Variants in RPS6KA2 observed in about 807,000 individuals in gnomAD.
The protein encoded by RPS6KA2 is ribosomal protein S6 kinase A2, also known as ribosomal protein S6 kinase alpha-2.
Under a neutral mutation model 91.8 loss-of-function variants are expected in RPS6KA2, and 42 were observed. The ratio of observed to expected loss-of-function variants is 0.46; its 90% CI spans 0.36 to 0.59. RPS6KA2 has a LOEUF of 0.59. RPS6KA2 is among the 20% of genes least tolerant of loss of function. The probability of loss-of-function intolerance (pLI) is 0.00; values close to 1 mark genes in which losing one functional copy is unlikely to be tolerated. For synonymous variants in RPS6KA2, 414 were observed against 393.6 expected (o/e 1.05, Z -0.61); for missense variants, 798 against 978.5 (o/e 0.82, Z 2.46).
rs1053618806 is a variant in RPS6KA2 at position 166,437,942 on chromosome 6, C to A, written c.1333-5452G>T. Among the ~76,000 whole-genome samples the A allele has an allele frequency of 1.3e-5, 2 of 152,166 alleles. No homozygotes were observed. Among genetic ancestry groups the A allele is most frequent in the African/African-American group, 2.4e-5 (1 of 41,440 alleles). ...CTCCATCAGTGGAGACACCGTCTCC[C>A]GGGACACTCAGCAACCTGAGCAGAT... On this transcript the variant is annotated intron_variant, in intron 14 of 20. Coordinates refer to ENST00000265678, the MANE Select transcript of RPS6KA2 (RefSeq NM_021135.6). The surrounding 1 kb of genome is among the most constrained non-coding windows in gnomAD (Gnocchi z 4.3).
Position 166,822,197 on chromosome 6 carries a change from C to A in RPS6KA2, c.123+36003G>T, listed in dbSNP as rs60845961. 1.6e-3 allele frequency among the ~76,000 whole-genome samples: 245 copies of A among 152,312 alleles called. 1 individual carries two copies. In the East Asian group the frequency reaches 0.024, roughly 15 times the overall value. On this transcript the variant is annotated intron_variant, in intron 2 of 21. Transcript: ENST00000503859. ...TTGACATTGGTAAGGGCTTTACGGG[C>A]TGGATATGTCCCTGCAAACTTCCTG...
At position 166,577,476 on chromosome 6, in the gene RPS6KA2, T is replaced by G. The variant is rs182907944; in HGVS notation, c.100-38692A>C. Among the ~76,000 whole-genome samples the G allele has an allele frequency of 3.3e-5, 5 of 152,352 alleles. No individual in the cohort carries two copies. In the East Asian group the frequency reaches 9.6e-4, roughly 29 times the overall value. The stretch of plus-strand genomic sequence containing the variant: ...TGGGAACCCACCTCTTGCATCAGCA[T>G]GACCCGGAAGTGAGATGTGGAGTCA... On this transcript the variant is annotated intron_variant, in intron 1 of 20. Transcript: ENST00000265678.
intron 2 of RPS6KA2, among the ~76,000 whole-genome samples, chr6:166,853,752 C>T (rs893215353): frequency 2.0e-5 from 3 of 152,384 alleles, no homozygotes; most frequent in Admixed American, 6.5e-5. Flanking sequence ...TCAACAAGTC[C>T]GCCCAGTTAG....
intron 2 of RPS6KA2, among the ~76,000 whole-genome samples, chr6:166,800,492 G>A (rs1048514061): frequency 6.6e-6 from 1 of 152,222 alleles, no homozygotes; most frequent in African/African-American, 2.4e-5. Flanking sequence ...CCATCCTTAT[G>A]AATGGGACTA....
In RPS6KA2 at chr6:166,412,724, G is replaced by C. The variant is rs749582244; in HGVS notation, c.*38C>G. ...AGGCCGGGGTCTGTGAGCCCACGAGGATGCTGGCAGGGGACGCTGGGGCCA... is the reference window on the plus strand; with the variant it reads ...AGGCCGGGGTCTGTGAGCCCACGAGCATGCTGGCAGGGGACGCTGGGGCCA... On this transcript the variant is annotated 3_prime_UTR_variant, in exon 21 of 21. Transcript: ENST00000265678. The surrounding 1 kb of genome is among the most constrained non-coding windows in gnomAD (Gnocchi z 4.3). 4.5e-6 allele frequency: 7 copies of C among 1,557,670 alleles called. No homozygotes were observed. Among genetic ancestry groups the C allele is most frequent in the Non-Finnish European group, 6.1e-6 (7 of 1,151,972 alleles).
At chr6:166,438,375 A>G (rs986201320) in intron 14 of RPS6KA2, among the ~76,000 whole-genome samples, 6 of 152,256 alleles carry the variant, frequency 3.9e-5, no homozygotes, top group Non-Finnish European at 7.3e-5. Flanking sequence ...GAGCCTCCTC[A>G]GGAAGGCTGG....
rs896526571 is a variant in RPS6KA2, at chr6:166,493,747, C to T, written c.748-3006G>A. Among the ~76,000 whole-genome samples the T allele has an allele frequency of 3.9e-5, 6 of 152,320 alleles. No individual in the cohort carries two copies. Among genetic ancestry groups the T allele is most frequent in the African/African-American group, 1.2e-4 (5 of 41,566 alleles). ...ACCGTTGCCTGCCAGGGGACATTTC[C>T]GGCTGTCATGCCCGGGAGCCCTGGT... On this transcript the variant is annotated intron_variant, in intron 8 of 20. Coordinates refer to ENST00000265678, the MANE Select transcript of RPS6KA2 (RefSeq NM_021135.6). This position sits in a 1 kb window ranked among gnomAD's most constrained non-coding sequence, Gnocchi z 4.7.
chr6:166,501,744 T>G (rs1252669802), intron 6 of RPS6KA2, among the ~76,000 whole-genome samples: 1 of 152,156 alleles, frequency 6.6e-6, no homozygotes, highest in African/African-American at 2.4e-5. Context: ...CTTTCCCCAT[T>G]TATTTATTTG....
rs192196261 is a variant in RPS6KA2, at chr6:166,595,486, G to A, written c.99+31435C>T. Among the ~76,000 whole-genome samples, 246 of 152,340 alleles carry A rather than the reference G, an allele frequency of 1.6e-3. 2 individuals carry two copies. Among genetic ancestry groups the A allele is most frequent in the African/African-American group, 5.6e-3 (233 of 41,570 alleles). On this transcript the variant is annotated intron_variant, in intron 1 of 20. Coordinates refer to ENST00000265678, the MANE Select transcript of RPS6KA2 (RefSeq NM_021135.6). ...TGTATCCTCCACCCGCACAGACTGC[G>A]GCTGTCCACTGGGACTTCAATCCCC...
At chr6:166,772,261 C>T (rs1778495300) in intron 2 of RPS6KA2, among the ~76,000 whole-genome samples, 1 of 151,930 alleles carries the variant, frequency 6.6e-6, no homozygotes, top group African/African-American at 2.4e-5. Flanking sequence ...CCAGCCCCCC[C>T]ACCACTGGGA....
chr6:166,634,844 C>T (rs1442332933), intron 2 of RPS6KA2, among the ~76,000 whole-genome samples: 2 of 152,080 alleles, frequency 1.3e-5, no homozygotes, highest in Admixed American at 6.5e-5. Context: ...TCAAGTGGTC[C>T]GCCCACCTCA....
At chr6:166,810,163 C>T (rs537500160) in intron 2 of RPS6KA2, among the ~76,000 whole-genome samples, 7 of 152,292 alleles carry the variant, frequency 4.6e-5, no homozygotes, top group African/African-American at 1.7e-4. Context: ...AACTCACTCA[C>T]TGTCACAGCA....
intron 2 of RPS6KA2, among the ~76,000 whole-genome samples, chr6:166,797,934 G>A (rs375685512): frequency 6.6e-6 from 1 of 152,268 alleles, no homozygotes; most frequent in African/African-American, 2.4e-5. Context: ...TTGATGACCA[G>A]AAGACACTGG....
At chr6:166,507,060 G>A (rs79101780) in intron 5 of RPS6KA2, among the ~76,000 whole-genome samples, 6,357 of 152,044 alleles carry the variant, frequency 0.042, 236 homozygotes, top group Admixed American at 0.1. Flanking sequence ...GTGCAGTAGC[G>A]GCTGTGAGAC....
chr6:166,616,608 G>A (rs149859791), intron 1 of RPS6KA2, among the ~76,000 whole-genome samples: 273 of 152,352 alleles, frequency 1.8e-3, no homozygotes, highest in African/African-American at 6.3e-3. Flanking sequence ...CCCTGACTCC[G>A]GAAAATGGCT....
At chr6:166,824,715 CTG>C (rs138945096) in intron 2 of RPS6KA2, among the ~76,000 whole-genome samples, 1 of 122,740 alleles carries the variant, frequency 8.1e-6, no homozygotes, top group Non-Finnish European at 1.8e-5. Flanking sequence ...GTGTGTGTGT[CTG>C]TGTGTATGTC....
chr6:166,720,842 C>T (rs1562400597), intron 2 of RPS6KA2, among the ~76,000 whole-genome samples: 4 of 152,208 alleles, frequency 2.6e-5, no homozygotes, highest in African/African-American at 9.7e-5. Context: ...CAAGGCCGTA[C>T]CTGCCTAGCT....
chr6:166,583,436 C>T (rs1398273934), intron 1 of RPS6KA2, among the ~76,000 whole-genome samples: 1 of 152,174 alleles, frequency 6.6e-6, no homozygotes, highest in Non-Finnish European at 1.5e-5. Flanking sequence ...AGCACAGAGG[C>T]GAAAACCAAT....
intron 11 of RPS6KA2, among the ~76,000 whole-genome samples, chr6:166,461,033 G>C (rs1017009604): frequency 6.6e-6 from 1 of 151,994 alleles, no homozygotes; most frequent in Non-Finnish European, 1.5e-5. Context: ...CCAGAAACCA[G>C]GGCCCACAGC....
Sources: gnomAD v4.1 joint callset for allele counts (sites outside exome capture counted in the v4.1 genomes callset) on GRCh38, gnomAD v4.1.1 for gene constraint, Gnocchi (gnomAD v3.1) non-coding constraint, MANE v1.5 for transcripts, NCBI Gene and HGNC (gene_info 2026-07-23, HGNC 2026-07-21) for gene names.